The following FAM76A variants were observed in gnomAD, a reference collection of about 807,000 sequenced individuals.
FAM76A encodes the protein family with sequence similarity 76 member A, also known as protein FAM76A.
FAM76A carries 32 observed loss-of-function variants against 46.2 expected under a neutral mutation model. That is an observed-to-expected ratio of 0.69 (90% CI 0.52 to 0.93). The LOEUF (loss-of-function observed/expected upper bound fraction) is 0.93, where lower values mean the gene tolerates loss of function less well. Among genes scored for constraint, FAM76A ranks in the 40% least tolerant of loss-of-function variants. The pLI is 0.00. For synonymous variants in FAM76A, 137 were observed against 127.0 expected (o/e 1.08, Z -0.53); for missense variants, 274 against 361.5 (o/e 0.76, Z 1.96).
At chr1:27,726,570 C>T (rs2087864601) in intron 1 of FAM76A, among the ~76,000 whole-genome samples, 1 of 152,148 alleles carries the variant, frequency 6.6e-6, no homozygotes, top group Non-Finnish European at 1.5e-5. Context: ...ATGTGTCGAA[C>T]TCGGGCTCCT....
intron 6 of FAM76A, among the ~76,000 whole-genome samples, chr1:27,752,418 A>G (rs938366235): frequency 1.3e-5 from 2 of 152,166 alleles, no homozygotes; most frequent in African/African-American, 4.8e-5. Flanking sequence ...TTTTAGGAAA[A>G]TATAAGTTAA....
At chr1:27,740,905 G>C (rs1365181927) in intron 4 of FAM76A, among the ~76,000 whole-genome samples, 8 of 152,052 alleles carry the variant, frequency 5.3e-5, no homozygotes, top group Non-Finnish European at 1.2e-4. Flanking sequence ...GAGGAGGGAG[G>C]ATCACCTGAG....
chr1:27,729,744 ATTTG>A (rs2087923697), intron 2 of FAM76A, among the ~76,000 whole-genome samples: 1 of 152,166 alleles, frequency 6.6e-6, no homozygotes, highest in African/African-American at 2.4e-5. Context: ...AGAGTTAAAT[ATTTG>A]TTTGCAGCTC....
chr1:27,740,601 C>T (rs1417958934), intron 4 of FAM76A: 18 of 810,422 alleles, frequency 2.2e-5, no homozygotes, highest in Non-Finnish European at 3.6e-5. Flanking sequence ...TGTTCAGAAG[C>T]CACTCAAAAA....
Position 27,732,594 on chromosome 1 carries a change from C to T in FAM76A, c.147-9C>T, listed in dbSNP as rs775856685. 1.9e-6 allele frequency: 3 copies of T among 1,603,940 alleles called. No homozygotes were observed. In the Admixed American group the frequency reaches 5.0e-5, roughly 27 times the overall value. ...TAAGAAAAGCCTGTGTCTCTTTCTT[C>T]CTTAACAGTAAAACCAATACAATAT... On this transcript the variant is annotated splice_polypyrimidine_tract_variant and intron_variant, in intron 2 of 8. Transcript: ENST00000373954.
intron 2 of FAM76A, among the ~76,000 whole-genome samples, chr1:27,727,753 A>G (rs1186450762): frequency 6.6e-6 from 1 of 150,754 alleles, no homozygotes. Context: ...AATGAAGGGT[A>G]TATAATACAT....
At chr1:27,733,544 A>G (rs942290268) in intron 3 of FAM76A, among the ~76,000 whole-genome samples, 2 of 152,158 alleles carry the variant, frequency 1.3e-5, no homozygotes, top group Admixed American at 1.3e-4. Context: ...CACTTCACAT[A>G]GTATTAAGAA....
intron 8 of FAM76A, 90 bp from the exon 9 acceptor site, chr1:27,760,405 T>C (rs1419571279): frequency 1.2e-5 from 12 of 984,768 alleles, no homozygotes; most frequent in Admixed American, 2.5e-5. Flanking sequence ...CTCCACATTG[T>C]CTGCCTTAGC....
intron 6 of FAM76A, among the ~76,000 whole-genome samples, chr1:27,753,091 C>CAGAGGTTGTGGTGAGCT (rs1553179421): frequency 1.3e-5 from 2 of 152,140 alleles, no homozygotes; most frequent in African/African-American, 4.8e-5. Context: ...ACCCAGGAGG[C>CAGAGGTTGTGGTGAGCT]AGAGGTTGTG....
In FAM76A at chr1:27,743,852, G is replaced by A. The variant is rs1240276485; in HGVS notation, c.355-802G>A. Among the ~76,000 whole-genome samples, 11 of 152,064 alleles carry A rather than the reference G, an allele frequency of 7.2e-5. No individual in the cohort carries two copies. The East Asian group carries it at 1.5e-3, about 21-fold the overall frequency. ...GCTACTCAGGATGCTGAGGCAGGAG[G>A]ATTGCTTGAGCCCAGAAGTTTAAGG... On this transcript the variant is annotated intron_variant, in intron 4 of 8. Coordinates refer to ENST00000373954, the MANE Select transcript of FAM76A (RefSeq NM_152660.3).
intron 2 of FAM76A, among the ~76,000 whole-genome samples, chr1:27,729,766 G>A (rs1490073451): frequency 1.3e-5 from 2 of 152,086 alleles, no homozygotes; most frequent in African/African-American, 4.8e-5. Flanking sequence ...CTCTTTTTGT[G>A]TGTGTGTGGC....
rs188554153 is a variant in FAM76A, at chr1:27,727,136, T to C, written c.82-336T>C. ...AAATAATAATTTTAATCCAGCACTT[T>C]CATTTCACAAGTAAACCGCAAAATC... On this transcript the variant is annotated intron_variant, in intron 1 of 8. Coordinates refer to ENST00000373954, the MANE Select transcript of FAM76A (RefSeq NM_152660.3). Among the ~76,000 whole-genome samples the C allele has an allele frequency of 1.5e-4, 23 of 152,338 alleles. No individual in the cohort carries two copies. In the East Asian group the frequency reaches 4.0e-3, roughly 27 times the overall value.
intron 5 of FAM76A, among the ~76,000 whole-genome samples, chr1:27,746,679 A>G (rs1182494993): frequency 1.3e-5 from 2 of 152,106 alleles, no homozygotes; most frequent in African/African-American, 2.4e-5. Flanking sequence ...GTAAGTTGAG[A>G]TTGTGCCACC....
Position 27,730,189 on chromosome 1 carries a change from TTTG to T in FAM76A, c.147-2401_147-2399del, listed in dbSNP as rs200415111. Reference sequence around the variant, plus strand: ...TCTTTTCTTTTTCTTTTCTTTTTTTTTTGTTGTTGTTGTTGAGACAGAGTTTCG... The same window carrying T: ...TCTTTTCTTTTTCTTTTCTTTTTTTTTTGTTGTTGTTGAGACAGAGTTTCG... On this transcript the variant is annotated intron_variant, in intron 2 of 8. Coordinates refer to ENST00000373954, the MANE Select transcript of FAM76A (RefSeq NM_152660.3). The T allele has an allele frequency of 6.2e-3, 1,373 of 221,186 alleles. 25 individuals carry two copies. The highest frequency in any genetic ancestry group is 0.03 in the African/African-American group (1,276 of 42,200). The allele number at this position is 221,186 out of a possible 1,614,324, so 13.7% of individuals were successfully genotyped here.
chr1:27,743,054 A>G (rs1356230435), intron 4 of FAM76A, among the ~76,000 whole-genome samples: 1 of 152,108 alleles, frequency 6.6e-6, no homozygotes, highest in Non-Finnish European at 1.5e-5. Flanking sequence ...ACACAGCAAG[A>G]CTCTGTCTCA....
At chr1:27,748,858 AT>A (rs879573533) in intron 5 of FAM76A, among the ~76,000 whole-genome samples, 23 of 148,828 alleles carry the variant, frequency 1.5e-4, no homozygotes, top group Admixed American at 2.0e-4. Context: ...AAGGCCAAGA[AT>A]TTTTTTTTTT....
intron 6 of FAM76A, among the ~76,000 whole-genome samples, chr1:27,754,977 G>A (rs945569972): frequency 1.3e-5 from 2 of 152,172 alleles, no homozygotes; most frequent in Non-Finnish European, 2.9e-5. Context: ...GATGCTGCCA[G>A]GTTGTGGCTT....
chr1:27,737,853 A>AAACAAC (rs201341659), intron 4 of FAM76A, among the ~76,000 whole-genome samples: 3 of 131,172 alleles, frequency 2.3e-5, no homozygotes, highest in Admixed American at 7.5e-5. Flanking sequence ...CTCCATCTCA[A>AAACAAC]AACAACAACA....
intron 2 of FAM76A, among the ~76,000 whole-genome samples, chr1:27,729,361 C>A (rs2087917464): frequency 6.6e-6 from 1 of 151,932 alleles, no homozygotes; most frequent in Non-Finnish European, 1.5e-5. Context: ...GTGCACACCA[C>A]CACACCCAGC....
Sources: gnomAD v4.1 joint callset for allele counts (sites outside exome capture counted in the v4.1 genomes callset) on GRCh38, gnomAD v4.1.1 for gene constraint, MANE v1.5 for transcripts, NCBI Gene and HGNC (gene_info 2026-07-23, HGNC 2026-07-21) for gene names.